Variants in RASIP1 observed in about 807,000 individuals in gnomAD.
RASIP1 encodes the protein Ras interacting protein 1, also known as ras-interacting protein 1.
RASIP1 carries 20 observed loss-of-function variants against 85.3 expected under a neutral mutation model. That is an observed-to-expected ratio of 0.23 (90% confidence interval 0.17 to 0.34). The LOEUF is 0.34. Among genes scored for constraint, RASIP1 ranks in the 10% least tolerant of loss-of-function variants. The pLI is 1.00. For synonymous variants in RASIP1, 617 were observed against 647.1 expected (o/e 0.95, Z 0.71); for missense variants, 1,170 against 1,390.9 (o/e 0.84, Z 2.53).
At chr19:48,731,255 C>T (rs149914978) in intron 4 of RASIP1, among the ~76,000 whole-genome samples, 1,601 of 151,772 alleles carry the variant, frequency 0.011, 31 homozygotes, top group African/African-American at 0.037. Flanking sequence ...TTATTCCCAC[C>T]CCCCTAACAG....
chr19:48,729,219 G>A lies in RASIP1; in HGVS notation c.1551C>T (p.Ala517=). 7.3e-7 allele frequency: 1 copy of A among 1,370,618 alleles called. No homozygotes were observed. The highest frequency in any genetic ancestry group is 9.4e-7 in the Non-Finnish European group (1 of 1,065,264). 84.9% of individuals were successfully genotyped at this position (1,370,618 alleles called of 1,614,324 possible). ...PGATPPGPGW[A]FSCRLCGRGL... ...CGCGGCCGCACAGGCGACAGGAGAA[G>A]GCCCAGCCAGGGCCTGGCGGCGTGG... Residue 517 remains alanine, a synonymous_variant, in exon 5 of 12, where the codon GCC becomes GCT. Coordinates refer to ENST00000222145, the MANE Select transcript of RASIP1 (RefSeq NM_017805.3).
intron 11 of RASIP1, 21 bp downstream of exon 11, chr19:48,721,833 C>G: frequency 6.3e-7 from 1 of 1,593,610 alleles, no homozygotes; most frequent in Non-Finnish European, 8.5e-7. Context: ...AGCCCCAATG[C>G]TGTATCCCAT....
chr19:48,720,655 C>T lies in RASIP1; in HGVS notation c.*143G>A, dbSNP rs2033209439. The T allele has an allele frequency of 3.4e-6, 3 of 890,430 alleles. No homozygotes were observed. The highest frequency in any genetic ancestry group is 5.4e-6 in the Non-Finnish European group (3 of 558,338). The allele number at this position is 890,430 out of a possible 1,614,324, so 55.2% of individuals were successfully genotyped here. The stretch of plus-strand genomic sequence containing the variant: ...TAAGCCCATGCTCCCACCGTCCCAT[C>T]CGCTACTTCCCGAAAACTCAATCTC... On this transcript the variant is annotated 3_prime_UTR_variant, in exon 12 of 12. Coordinates refer to ENST00000222145, the MANE Select transcript of RASIP1 (RefSeq NM_017805.3).
At position 48,727,699 on chromosome 19, in the gene RASIP1, T is replaced by TG. The variant is rs1264887732; in HGVS notation, c.1834-270_1834-269insC. ...TACGGATTCTTTTTTTTTTTTTTTT[T>TG]TTTTGAGATGGAGTTACCCTGTTGT... is the stretch of plus-strand genomic sequence containing the variant. On this transcript the variant is annotated intron_variant, in intron 5 of 11. Transcript: ENST00000222145. Among the ~76,000 whole-genome samples, 699 of 149,594 alleles carry TG rather than the reference T, an allele frequency of 4.7e-3. 4 individuals are homozygous for TG. The highest frequency in any genetic ancestry group is 0.016 in the African/African-American group (651 of 40,024).
intron 4 of RASIP1, among the ~76,000 whole-genome samples, chr19:48,732,974 C>T (rs1270982740): frequency 6.6e-6 from 1 of 152,170 alleles, no homozygotes; most frequent in African/African-American, 2.4e-5. Flanking sequence ...TTGGCTGTAC[C>T]ATTGTTAACC....
At chr19:48,727,245 A>C in intron 6 of RASIP1, 87 bp from the exon 7 acceptor site, 1 of 1,567,918 alleles carries the variant, frequency 6.4e-7, no homozygotes, top group South Asian at 1.1e-5. Context: ...GTGGGAGAGC[A>C]AGACCAACTC....
chr19:48,721,016 C>T lies in RASIP1; in HGVS notation c.2693-19G>A, dbSNP rs778782771. The T allele has an allele frequency of 1.5e-5, 23 of 1,565,440 alleles. No homozygotes were observed. The highest frequency in any genetic ancestry group is 5.6e-5 in the Admixed American group (3 of 53,248). On this transcript the variant is annotated intron_variant, in intron 11 of 11. Coordinates refer to ENST00000222145, the MANE Select transcript of RASIP1 (RefSeq NM_017805.3). ...ATGTCCCCTGTGAGGCCGAAGGCGG[C>T]GCGGTTAGAGTCTGAAAGTGGGAGT... is the stretch of plus-strand genomic sequence containing the variant.
Position 48,735,266 on chromosome 19 carries a change from G to A in RASIP1, c.1109C>T (p.Thr370Ile). The change falls in exon 4 of 12, where the codon ACT becomes ATT. Residue 370 changes from threonine to isoleucine, a missense_variant. Thr to Ile is a moderately conservative substitution (Grantham distance 89, BLOSUM62 -1). Coordinates refer to ENST00000222145, the MANE Select transcript of RASIP1 (RefSeq NM_017805.3). ...TADPGDFDQL[T>I]QCLIQAPSNR... The stretch of plus-strand genomic sequence containing the variant: ...GCTGGGGGCCTGGATGAGGCACTGA[G>A]TCAACTGATCGAAGTCCCCGGGGTC... 12 of 1,614,078 alleles carry A rather than the reference G, an allele frequency of 7.4e-6. No homozygotes were observed. The highest frequency in any genetic ancestry group is 1.0e-5 in the Non-Finnish European group (12 of 1,180,002).
chr19:48,735,085 A>G, intron 4 of RASIP1, 111 bp downstream of exon 4: 1 of 976,430 alleles, frequency 1.0e-6, no homozygotes, highest in Non-Finnish European at 1.5e-6. Context: ...GCCCCACTAG[A>G]GTACTTGAGG....
chr19:48,724,976 A>G lies in RASIP1; in HGVS notation c.2128-16T>C. 2 of 1,605,612 alleles carry G rather than the reference A, an allele frequency of 1.2e-6. No individual in the cohort carries two copies. Among genetic ancestry groups the G allele is most frequent in the Non-Finnish European group, 1.7e-6 (2 of 1,173,142 alleles). ...AATAGAGAGTCTGAGAAAATAGAGA[A>G]GTGGAAACAAGTGATTGGACTACAA... is the stretch of plus-strand genomic sequence containing the variant. On this transcript the variant is annotated splice_polypyrimidine_tract_variant and intron_variant, in intron 8 of 11. Coordinates refer to ENST00000222145, the MANE Select transcript of RASIP1 (RefSeq NM_017805.3). The surrounding 1 kb of genome is among the most constrained non-coding windows in gnomAD (Gnocchi z 4.6).
chr19:48,731,193 G>C (rs1032125662), intron 4 of RASIP1, among the ~76,000 whole-genome samples: 2 of 152,170 alleles, frequency 1.3e-5, no homozygotes. Flanking sequence ...AAAATCGCTT[G>C]AACCTGGGAG....
rs1484684850 is a variant in RASIP1, at chr19:48,729,418, C to T, written c.1352G>A (p.Arg451His). 2 of 1,558,360 alleles carry T rather than the reference C, an allele frequency of 1.3e-6. No homozygotes were observed. The highest frequency in any genetic ancestry group is 3.9e-5 in the Admixed American group (2 of 51,716). The change falls in exon 5 of 12, where the codon CGC becomes CAC. Residue 451 changes from arginine to histidine, a missense_variant. Around this residue, in one of 4 missense-constraint regions of RASIP1, gnomAD observed 301 missense variants for 294.8 expected, o/e 1.02. Coordinates refer to ENST00000222145, the MANE Select transcript of RASIP1 (RefSeq NM_017805.3). Reference protein sequence around the residue: ...RAGPEHPAMVRPSRGAPVTHN... With the variant: ...RAGPEHPAMVHPSRGAPVTHN... Reference sequence around the variant, plus strand: ...CGTGACTGGGGCGCCCCGGGACGGGCGCACCATGGCCGGGTGCTCAGGGCC... The same window carrying T: ...CGTGACTGGGGCGCCCCGGGACGGGTGCACCATGGCCGGGTGCTCAGGGCC...
At position 48,721,969 on chromosome 19, in the gene RASIP1, G is replaced by A. The variant is rs1385375579; in HGVS notation, c.2577C>T (p.Pro859=). Reference sequence around the variant, plus strand: ...GGTGCAGCTGGGCGGGGGTCAAGGTGGGGTGGTCGGTTCTTAGGCTGCTCC... The same window carrying A: ...GGTGCAGCTGGGCGGGGGTCAAGGTAGGGTGGTCGGTTCTTAGGCTGCTCC... The part of the protein sequence containing the change: ...ASWSSLRTDH[P]TLTPAQLHHL... The change falls in exon 11 of 12, where the codon CCC becomes CCT. Residue 859 remains proline, a synonymous_variant. Coordinates refer to ENST00000222145, the MANE Select transcript of RASIP1 (RefSeq NM_017805.3). 6.6e-7 allele frequency: 1 copy of A among 1,525,904 alleles called. No homozygotes were observed. The highest frequency in any genetic ancestry group is 8.9e-7 in the Non-Finnish European group (1 of 1,129,074). The allele number at this position is 1,525,904 out of a possible 1,614,324, so 94.5% of individuals were successfully genotyped here.
chr19:48,739,383 C>T lies in RASIP1; in HGVS notation c.400G>A (p.Glu134Lys), dbSNP rs1205771822. The change falls in exon 3 of 12, where the codon GAG (glutamate) becomes AAG (lysine). Residue 134 changes from glutamate (E) to lysine (K), a missense_variant. Glu to Lys is a moderately conservative substitution (Grantham distance 56). Around this residue, in one of 4 missense-constraint regions of RASIP1, gnomAD observed 299 missense variants for 394.4 expected, o/e 0.76. Transcript: ENST00000222145. This position sits in a 1 kb window ranked among gnomAD's most constrained non-coding sequence, Gnocchi z 9.2. Reference sequence around the variant, plus strand: ...GTGGCGCGGGTAGCCAGCGGGGGCTCGGGGGCCACGCCCGCCGCCAGCTCC... The same window carrying T: ...GTGGCGCGGGTAGCCAGCGGGGGCTTGGGGGCCACGCCCGCCGCCAGCTCC... ...LPELAAGVAP[E>K]PPLATRATAP... 29 of 1,343,774 alleles carry T rather than the reference C, an allele frequency of 2.2e-5. No individual in the cohort carries two copies. Among genetic ancestry groups the T allele is most frequent in the Non-Finnish European group, 1.9e-5 (20 of 1,052,870 alleles). 83.2% of individuals were successfully genotyped at this position (1,343,774 alleles called of 1,614,324 possible). A position where few individuals can be genotyped will look rare whatever the true frequency, so the allele number is the denominator to read the frequency against.
chr19:48,733,822 G>T (rs530397009), intron 4 of RASIP1, among the ~76,000 whole-genome samples: 2 of 150,392 alleles, frequency 1.3e-5, no homozygotes, highest in South Asian at 2.1e-4. Context: ...AAAAAAGTGT[G>T]GGGGGGAGGG....
rs2033614576 is a variant in RASIP1 at position 48,738,766 on chromosome 19, C to T, written c.823+194G>A. 1.5e-6 allele frequency: 1 copy of T among 656,352 alleles called. No homozygotes were observed. The highest frequency in any genetic ancestry group is 2.1e-6 in the Non-Finnish European group (1 of 478,648). The allele number at this position is 656,352 out of a possible 1,614,324, so 40.7% of individuals were successfully genotyped here. The stretch of plus-strand genomic sequence containing the variant: ...GCCCCACCCAACTCTCAGGCCCGCC[C>T]ATCTGGCCGCCCCCGGCCCTGCTCT... On this transcript the variant is annotated intron_variant, in intron 3 of 11. Transcript: ENST00000222145. This position sits in a 1 kb window ranked among gnomAD's most constrained non-coding sequence, Gnocchi z 4.0.
intron 4 of RASIP1, among the ~76,000 whole-genome samples, chr19:48,732,921 A>G (rs535123): frequency 0.045 from 6,854 of 152,318 alleles, 502 homozygotes; most frequent in African/African-American, 0.16. Context: ...CATTTTTTAT[A>G]GAGACAAGGT....
chr19:48,722,016 A>C lies in RASIP1; in HGVS notation c.2545-15T>G, dbSNP rs769248621. On this transcript the variant is annotated splice_polypyrimidine_tract_variant and intron_variant, in intron 10 of 11. Transcript: ENST00000222145. ...CTCCATGAAGCCTGGTGGGAAGACC[A>C]GGTGAGAGGTTGATGGTCATTACGG... 7.1e-7 allele frequency: 1 copy of C among 1,405,144 alleles called. No individual in the cohort carries two copies. Among genetic ancestry groups the C allele is most frequent in the South Asian group, 1.5e-5 (1 of 68,004 alleles). The allele number at this position is 1,405,144 out of a possible 1,614,324, so 87.0% of individuals were successfully genotyped here.
chr19:48,724,978 T>G lies in RASIP1; in HGVS notation c.2128-18A>C. On this transcript the variant is annotated intron_variant, in intron 8 of 11. Coordinates refer to ENST00000222145, the MANE Select transcript of RASIP1 (RefSeq NM_017805.3). The surrounding 1 kb of genome is among the most constrained non-coding windows in gnomAD (Gnocchi z 4.6). Reference sequence around the variant, plus strand: ...TAGAGAGTCTGAGAAAATAGAGAAGTGGAAACAAGTGATTGGACTACAACT... The same window carrying G: ...TAGAGAGTCTGAGAAAATAGAGAAGGGGAAACAAGTGATTGGACTACAACT... The G allele has an allele frequency of 6.2e-7, 1 of 1,605,184 alleles. No homozygotes were observed. Among genetic ancestry groups the G allele is most frequent in the Non-Finnish European group, 8.5e-7 (1 of 1,172,990 alleles).
Sources: gnomAD v4.1 joint callset for allele counts (sites outside exome capture counted in the v4.1 genomes callset) on GRCh38, gnomAD v4.1.1 for gene constraint, gnomAD v4.1.1 regional missense constraint, Gnocchi (gnomAD v3.1) non-coding constraint, MANE v1.5 for transcripts, NCBI Gene and HGNC (gene_info 2026-07-23, HGNC 2026-07-21) for gene names.